CDH13: variants seen among roughly 807,000 people sequenced by gnomAD.
The protein encoded by CDH13 is cadherin-13.
In CDH13, 24 loss-of-function variants were observed where a neutral mutation model predicts 63.8. That is an observed-to-expected ratio of 0.38 (90% CI 0.27 to 0.53). CDH13 has a LOEUF of 0.53. Among genes scored for constraint, CDH13 ranks in the 20% least tolerant of loss-of-function variants. CDH13 has a pLI of 0.85. For missense variants in CDH13, 1,049 were observed against 903.1 expected (o/e 1.16, Z -2.07); for synonymous variants, 503 against 355.3 (o/e 1.42, Z -4.67).
intron 4 of CDH13, among the ~76,000 whole-genome samples, chr16:83,142,674 T>G (rs747829396): frequency 6.6e-6 from 1 of 152,218 alleles, no homozygotes; most frequent in Non-Finnish European, 1.5e-5. Context: ...GATAGCAGAA[T>G]CTCAGTTTTT....
chr16:82,996,110 C>A (rs1474644089), intron 2 of CDH13, among the ~76,000 whole-genome samples: 3 of 151,894 alleles, frequency 2.0e-5, no homozygotes, highest in African/African-American at 7.3e-5. Flanking sequence ...GGAAGTAAAA[C>A]CTTCGGGCAG....
At chr16:83,629,684 A>G (rs1454147013) in intron 8 of CDH13, among the ~76,000 whole-genome samples, 6 of 152,192 alleles carry the variant, frequency 3.9e-5, no homozygotes, top group Non-Finnish European at 8.8e-5. Context: ...CATAAACGAG[A>G]AGTCTACTCT....
intron 5 of CDH13, among the ~76,000 whole-genome samples, chr16:83,281,269 GCTT>G (rs2089165418): frequency 6.6e-6 from 1 of 152,212 alleles, no homozygotes; most frequent in African/African-American, 2.4e-5. Context: ...TATAGGGATG[GCTT>G]CTTTCCTTAA....
intron 2 of CDH13, among the ~76,000 whole-genome samples, chr16:82,934,914 C>T (rs555140083): frequency 6.6e-6 from 1 of 152,306 alleles, no homozygotes; most frequent in Admixed American, 6.5e-5. Flanking sequence ...CCAAACTTTA[C>T]CACATTTTCC....
At chr16:83,143,907 G>A (rs368395742) in intron 4 of CDH13, among the ~76,000 whole-genome samples, 38 of 152,010 alleles carry the variant, frequency 2.5e-4, no homozygotes, top group East Asian at 3.9e-4. Context: ...ATACACAGGC[G>A]TGTCCCAGTC....
chr16:83,181,416 A>G (rs2038345449), intron 4 of CDH13, among the ~76,000 whole-genome samples: 1 of 152,174 alleles, frequency 6.6e-6, no homozygotes, highest in African/African-American at 2.4e-5. Context: ...GGTGCCCCAT[A>G]AAGGAACCAC....
chr16:82,958,367 G>A (rs1162636672), intron 2 of CDH13, among the ~76,000 whole-genome samples: 3 of 152,332 alleles, frequency 2.0e-5, no homozygotes, highest in East Asian at 1.9e-4. Flanking sequence ...AGCAGAGGCA[G>A]TAGGGGTAAA....
At chr16:82,887,344 G>T (rs2040925685) in intron 2 of CDH13, among the ~76,000 whole-genome samples, 1 of 152,200 alleles carries the variant, frequency 6.6e-6, no homozygotes, top group South Asian at 2.1e-4. Flanking sequence ...AAAGGGAATG[G>T]TGTGGGAGGA....
chr16:83,181,502 T>G (rs1407280858), intron 4 of CDH13, among the ~76,000 whole-genome samples: 1 of 152,234 alleles, frequency 6.6e-6, no homozygotes, highest in Non-Finnish European at 1.5e-5. Context: ...ACTTGACAAT[T>G]GGCTTTTCTT....
intron 4 of CDH13, among the ~76,000 whole-genome samples, chr16:83,194,327 C>T (rs1324125532): frequency 1.3e-5 from 2 of 152,196 alleles, no homozygotes; most frequent in Non-Finnish European, 2.9e-5. Flanking sequence ...TTGCTGTTAG[C>T]AGCGCAGATC....
At chr16:83,718,744 A>T (rs946889041) in intron 10 of CDH13, among the ~76,000 whole-genome samples, 6 of 152,194 alleles carry the variant, frequency 3.9e-5, no homozygotes, top group African/African-American at 1.4e-4. Context: ...TCAGGGTCTT[A>T]TCAGCCCCTA....
intron 2 of CDH13, among the ~76,000 whole-genome samples, chr16:82,945,194 C>T (rs753340184): frequency 1.3e-5 from 2 of 152,176 alleles, no homozygotes; most frequent in Non-Finnish European, 2.9e-5. Context: ...TAAATATTTT[C>T]AACTTTGTGG....
chr16:83,745,294 A>G (rs1423307920), intron 10 of CDH13, among the ~76,000 whole-genome samples: 1 of 152,220 alleles, frequency 6.6e-6, no homozygotes, highest in African/African-American at 2.4e-5. Context: ...GGGGTCTGGT[A>G]CATCCACTTT....
At chr16:83,264,721 A>G (rs753165034) in intron 5 of CDH13, among the ~76,000 whole-genome samples, 29 of 151,620 alleles carry the variant, frequency 1.9e-4, no homozygotes, top group African/African-American at 4.6e-4. Context: ...ATTCCTAGAG[A>G]CAACACCCCT....
At chr16:83,506,179 G>T (rs1250370654) in intron 7 of CDH13, among the ~76,000 whole-genome samples, 1 of 152,190 alleles carries the variant, frequency 6.6e-6, no homozygotes, top group African/African-American at 2.4e-5. Context: ...GAGGAAAGAA[G>T]ATGCTGTCTT....
rs537079334 is a variant in CDH13, at chr16:82,923,532, T to C, written c.157+65059T>C. 3.3e-5 allele frequency among the ~76,000 whole-genome samples: 5 copies of C among 152,342 alleles called. No homozygotes were observed. The South Asian group carries it at 1.0e-3, about 32-fold the overall frequency. ...AGGTCACAGAGTCCTACTTTTGTAC[T>C]CTGAGGCTATGGAATCTAGTGGGGC... On this transcript the variant is annotated intron_variant, in intron 2 of 13. Transcript: ENST00000567109.
chr16:83,328,421 A>C (rs1411829850), intron 5 of CDH13, among the ~76,000 whole-genome samples: 1 of 152,220 alleles, frequency 6.6e-6, no homozygotes, highest in African/African-American at 2.4e-5. Context: ...TCCAAGGTTC[A>C]CATCAGGACC....
At chr16:83,372,482 G>A (rs1009311683) in intron 6 of CDH13, among the ~76,000 whole-genome samples, 8 of 152,042 alleles carry the variant, frequency 5.3e-5, no homozygotes, top group South Asian at 2.1e-4. Context: ...GGTCGGGTGC[G>A]GTGGCTCATG....
chr16:83,620,473 A>G (rs1909711919), intron 8 of CDH13, among the ~76,000 whole-genome samples: 1 of 151,420 alleles, frequency 6.6e-6, no homozygotes, highest in Non-Finnish European at 1.5e-5. Context: ...CTGTTAGTCC[A>G]CAAGAGTGAG....
Sources: gnomAD v4.1 joint callset for allele counts (sites outside exome capture counted in the v4.1 genomes callset) on GRCh38, gnomAD v4.1.1 for gene constraint, MANE v1.5 for transcripts, NCBI Gene and HGNC (gene_info 2026-07-23, HGNC 2026-07-21) for gene names.